The following GARIN3 variants were observed in gnomAD, a reference collection of about 807,000 sequenced individuals.
The protein encoded by GARIN3 is golgi associated RAB2 interactor family member 3.
At chr5:157,165,687 C>T in the GARIN3 span, 131 of 1,614,036 alleles carry the variant, frequency 8.1e-5, no homozygotes, top group Middle Eastern at 1.6e-4. Context: ...GAGATCTTCC[C>T]GTGTGTCAGA....
chr5:157,165,578 G>A, the GARIN3 span: 1 of 1,611,612 alleles, frequency 6.2e-7, no homozygotes, highest in African/African-American at 1.3e-5. Flanking sequence ...GGCTTTTGTT[G>A]TCTTCGGGTG....
chr5:157,162,651 T>TA, the GARIN3 span: 30 of 1,614,186 alleles, frequency 1.9e-5, no homozygotes, highest in Middle Eastern at 1.6e-4. Context: ...TGAGGCTCCT[T>TA]AAAAAAGAGC....
At chr5:157,163,506 G>T in the GARIN3 span, 1 of 1,614,184 alleles carries the variant, frequency 6.2e-7, no homozygotes. Context: ...CCCCTGGAGT[G>T]CTCGTGGATG....
At chr5:157,163,034 G>A in the GARIN3 span, 24 of 1,614,056 alleles carry the variant, frequency 1.5e-5, no homozygotes, top group African/African-American at 2.7e-5. Context: ...CTTCCATCTC[G>A]TTCACTCATG....
chr5:157,164,406 C>A, the GARIN3 span, among the ~76,000 whole-genome samples: 1 of 152,126 alleles, frequency 6.6e-6, no homozygotes, highest in East Asian at 1.9e-4. Flanking sequence ...CCTTCCTTGG[C>A]CTCTCAAAGT....
At chr5:157,163,410 T>C in the GARIN3 span, 2 of 1,614,078 alleles carry the variant, frequency 1.2e-6, no homozygotes, top group South Asian at 1.1e-5. Context: ...TTGCTGCCCC[T>C]GCTATTGCCA....
chr5:157,163,444 G>A, the GARIN3 span: 1 of 1,614,178 alleles, frequency 6.2e-7, no homozygotes, highest in Admixed American at 1.7e-5. Flanking sequence ...TCCTGTTGCT[G>A]TTCCTGCCAC....
the GARIN3 span, chr5:157,162,873 C>T: frequency 2.1e-5 from 34 of 1,614,144 alleles, no homozygotes; most frequent in African/African-American, 1.9e-4. Context: ...GGTGGGAAGA[C>T]GCTTTCTGAT....
chr5:157,161,885 G>A, the GARIN3 span: 1 of 152,772 alleles, frequency 6.5e-6, no homozygotes, highest in Non-Finnish European at 1.5e-5. Flanking sequence ...CCAGGCAGCT[G>A]GTAAGATTTG....
At chr5:157,163,558 C>A in the GARIN3 span, 15 of 1,614,050 alleles carry the variant, frequency 9.3e-6, no homozygotes, top group Non-Finnish European at 1.2e-5. Context: ...ATGTTGGATT[C>A]CCTCTCCCCC....
At chr5:157,164,803 T>C in the GARIN3 span, among the ~76,000 whole-genome samples, 2 of 151,374 alleles carry the variant, frequency 1.3e-5, no homozygotes, top group African/African-American at 2.4e-5. Flanking sequence ...TTGTTAAAAA[T>C]ATGGCACAGC....
the GARIN3 span, among the ~76,000 whole-genome samples, chr5:157,165,275 A>C: frequency 6.6e-6 from 1 of 152,214 alleles, no homozygotes; most frequent in Non-Finnish European, 1.5e-5. Flanking sequence ...TTAAGTGTTC[A>C]AGAAAAGACT....
the GARIN3 span, chr5:157,165,828 A>G: frequency 6.2e-7 from 1 of 1,614,074 alleles, no homozygotes; most frequent in African/African-American, 1.3e-5. Context: ...TAGAGTCTTG[A>G]CGGGCCTGCG....
At chr5:157,165,977 G>T in the GARIN3 span, 1 of 1,614,182 alleles carries the variant, frequency 6.2e-7, no homozygotes. Context: ...GGACACGGTT[G>T]TGTACATCAA....
At chr5:157,166,055 G>C in the GARIN3 span, 1 of 1,614,014 alleles carries the variant, frequency 6.2e-7, no homozygotes, top group South Asian at 1.1e-5. Flanking sequence ...TGAAAATGTT[G>C]TACTCTCCTC....
the GARIN3 span, chr5:157,165,584 G>A: frequency 1.1e-5 from 17 of 1,612,140 alleles, no homozygotes; most frequent in East Asian, 8.9e-5. Context: ...TGTTGTCTTC[G>A]GGTGGTGCGT....
chr5:157,163,225 C>T, the GARIN3 span: 704 of 1,613,910 alleles, frequency 4.4e-4, 6 homozygotes, highest in South Asian at 4.5e-3. Flanking sequence ...GCTTGCAGCA[C>T]CCACCAAGGC....
At chr5:157,163,347 TGG>T in the GARIN3 span, 3 of 1,613,972 alleles carry the variant, frequency 1.9e-6, no homozygotes. Flanking sequence ...TCACTTGACC[TGG>T]GCCTGCAGAT....
chr5:157,163,660 T>C, the GARIN3 span: 2 of 1,608,928 alleles, frequency 1.2e-6, no homozygotes, highest in Non-Finnish European at 8.5e-7. Flanking sequence ...CTCTGCAGCC[T>C]ATACCAAGGG....
Sources: gnomAD v4.1 joint callset for allele counts (sites outside exome capture counted in the v4.1 genomes callset) on GRCh38, gnomAD v4.1.1 for gene constraint, MANE v1.5 for transcripts, NCBI Gene and HGNC (gene_info 2026-07-23, HGNC 2026-07-21) for gene names.